The following CAPZB variants were observed in gnomAD, a reference collection of about 807,000 sequenced individuals.
CAPZB encodes F-actin-capping protein subunit beta.
CAPZB carries 2 observed loss-of-function variants against 38.1 expected under a neutral mutation model. The observed-to-expected ratio is 0.05, with a 90% CI of 0.02 to 0.17. CAPZB has a LOEUF of 0.17. Among genes scored for constraint, CAPZB ranks in the 10% least tolerant of loss-of-function variants. The pLI is 1.00. For missense variants in CAPZB, 161 were observed against 334.2 expected, an observed-to-expected ratio of 0.48 and a Z score of 4.04; for synonymous variants, 107 against 127.4, an observed-to-expected ratio of 0.84 and a Z score of 1.08.
chr1:19,485,486 C>T lies in CAPZB; in HGVS notation c.-48G>A. 1 of 1,228,550 alleles carries T rather than the reference C, an allele frequency of 8.1e-7. No individual in the cohort carries two copies. Among genetic ancestry groups the T allele is most frequent in the Non-Finnish European group, 1.0e-6 (1 of 986,028 alleles). 76.1% of individuals were successfully genotyped at this position (1,228,550 alleles called of 1,614,324 possible). Reference sequence around the variant, plus strand: ...CCGGTCCCGGCGTCAGTGGCTCTCCCCCCCGCAGCAGGGCCCGGCGCTTCC... The same window carrying T: ...CCGGTCCCGGCGTCAGTGGCTCTCCTCCCCGCAGCAGGGCCCGGCGCTTCC... On this transcript the variant is annotated 5_prime_UTR_variant, in exon 1 of 9. Coordinates refer to ENST00000264202, the MANE Select transcript of CAPZB (RefSeq NM_004930.5).
intron 3 of CAPZB, 29 bp from the exon 4 acceptor site, chr1:19,378,682 C>T: frequency 1.1e-5 from 14 of 1,236,948 alleles, no homozygotes; most frequent in Non-Finnish European, 1.7e-5. Flanking sequence ...AAGTATATAC[C>T]ATGAATCGTT....
chr1:19,422,459 T>C (rs1308729744), intron 1 of CAPZB, among the ~76,000 whole-genome samples: 1 of 152,164 alleles, frequency 6.6e-6, no homozygotes, highest in Non-Finnish European at 1.5e-5. Context: ...AAACGTTTTA[T>C]ATATAATTCT....
chr1:19,435,859 C>A (rs749287485), intron 1 of CAPZB, among the ~76,000 whole-genome samples: 69 of 152,302 alleles, frequency 4.5e-4, no homozygotes, highest in Admixed American at 1.0e-3. Context: ...GTTTTAAAGT[C>A]TCCAAAAGAA....
intron 1 of CAPZB, among the ~76,000 whole-genome samples, chr1:19,423,048 G>A (rs912657563): frequency 1.7e-5 from 2 of 119,294 alleles, no homozygotes; most frequent in Non-Finnish European, 3.4e-5. Context: ...TCCCCACCCC[G>A]CAAGGGGCCG....
chr1:19,484,421 C>A (rs2094643209), intron 1 of CAPZB: 1 of 1,517,352 alleles, frequency 6.6e-7, no homozygotes, highest in African/African-American at 1.4e-5. Context: ...GCGCCGTGGA[C>A]CCCGGCCTGC....
chr1:19,429,450 A>G lies in CAPZB; in HGVS notation c.4-9700T>C, dbSNP rs78125099. 8.5e-3 allele frequency among the ~76,000 whole-genome samples: 1,295 copies of G among 152,314 alleles called. 19 individuals carry two copies. Among genetic ancestry groups the G allele is most frequent in the African/African-American group, 0.03 (1,226 of 41,554 alleles). On this transcript the variant is annotated intron_variant, in intron 1 of 8. Coordinates refer to ENST00000264202, the MANE Select transcript of CAPZB (RefSeq NM_004930.5). ...CTAAAGGCAGAGATACGATATACTAATAATTCCTACTTTCCCATACAACCT... is the reference window on the plus strand; with the variant it reads ...CTAAAGGCAGAGATACGATATACTAGTAATTCCTACTTTCCCATACAACCT...
chr1:19,432,877 C>A (rs2094447018), intron 1 of CAPZB, among the ~76,000 whole-genome samples: 1 of 152,206 alleles, frequency 6.6e-6, no homozygotes, highest in African/African-American at 2.4e-5. Context: ...CAGATAGGGG[C>A]AATGAGTCTC....
chr1:19,479,011 C>T (rs1260444151), intron 1 of CAPZB, among the ~76,000 whole-genome samples: 1 of 152,152 alleles, frequency 6.6e-6, no homozygotes, highest in Non-Finnish European at 1.5e-5. Flanking sequence ...GCGTTCAAGA[C>T]CAGCCTGGCC....
chr1:19,483,134 G>C (rs757972532), intron 1 of CAPZB, among the ~76,000 whole-genome samples: 7 of 152,190 alleles, frequency 4.6e-5, no homozygotes, highest in Non-Finnish European at 7.3e-5. Context: ...AAATATGCCT[G>C]TATCACCATA....
At chr1:19,485,323 G>GCCCCTCCCCCA (rs2094647550) in intron 1 of CAPZB, 113 bp downstream of exon 1, 2 of 728,968 alleles carry the variant, frequency 2.7e-6, no homozygotes, top group Non-Finnish European at 3.8e-6. Context: ...CCGGGACCCC[G>GCCCCTCCCCCA]CCCCTCCCCC....
chr1:19,442,705 C>G (rs996155802), intron 1 of CAPZB, among the ~76,000 whole-genome samples: 12 of 152,154 alleles, frequency 7.9e-5, no homozygotes, highest in African/African-American at 2.7e-4. Context: ...CTCTGAAGGA[C>G]TGAAAAACAC....
chr1:19,355,501 A>G (rs2094016073), intron 6 of CAPZB, among the ~76,000 whole-genome samples: 4 of 152,142 alleles, frequency 2.6e-5, no homozygotes, highest in Non-Finnish European at 4.4e-5. Flanking sequence ...TCTCAAAAAA[A>G]AAAAAAAAAA....
At chr1:19,381,038 A>G (rs568561410) in intron 3 of CAPZB, among the ~76,000 whole-genome samples, 3 of 152,020 alleles carry the variant, frequency 2.0e-5, no homozygotes, top group South Asian at 4.2e-4. Flanking sequence ...GTGTGGTGGC[A>G]TGCACCTGTA....
At chr1:19,410,941 A>G (rs1335052701) in intron 2 of CAPZB, among the ~76,000 whole-genome samples, 1 of 152,050 alleles carries the variant, frequency 6.6e-6, no homozygotes, top group Non-Finnish European at 1.5e-5. Context: ...GTTTCCTCCC[A>G]CTCACTTCAC....
intron 1 of CAPZB, among the ~76,000 whole-genome samples, chr1:19,472,634 C>T (rs992908168): frequency 2.0e-5 from 3 of 151,688 alleles, no homozygotes; most frequent in Non-Finnish European, 2.9e-5. Context: ...CCCTGACTAC[C>T]GATTAGTAGT....
At chr1:19,354,407 ATT>A (rs2094008917) in intron 6 of CAPZB, among the ~76,000 whole-genome samples, 1 of 152,088 alleles carries the variant, frequency 6.6e-6, no homozygotes, top group Non-Finnish European at 1.5e-5. Flanking sequence ...ATTAACTTAG[ATT>A]TGTCTACCTC....
chr1:19,476,420 A>G lies in CAPZB; in HGVS notation c.3+9016T>C, dbSNP rs72947560. On this transcript the variant is annotated intron_variant, in intron 1 of 8. Coordinates refer to ENST00000264202, the MANE Select transcript of CAPZB (RefSeq NM_004930.5). ...ACAGAATGAGACCCTGTCTCAATCA[A>G]TCAATCAAACAGGCCAATTTTGTCT... 2.4e-3 allele frequency among the ~76,000 whole-genome samples: 370 copies of G among 152,342 alleles called. 1 individual carries two copies. The highest frequency in any genetic ancestry group is 8.6e-3 in the African/African-American group (358 of 41,600).
intron 6 of CAPZB, among the ~76,000 whole-genome samples, chr1:19,346,820 T>TC (rs1313140429): frequency 7.3e-6 from 1 of 136,410 alleles, no homozygotes; most frequent in East Asian, 2.0e-4. Context: ...CTTTTGTCTT[T>TC]TTTTTTTTTT....
chr1:19,464,416 C>A (rs1246052958), intron 1 of CAPZB, among the ~76,000 whole-genome samples: 1 of 151,130 alleles, frequency 6.6e-6, no homozygotes, highest in Non-Finnish European at 1.5e-5. Flanking sequence ...CTCAGCCTCC[C>A]GAGTAGCTGG....
Sources: allele counts gnomAD v4.1 joint callset (sites outside exome capture counted in the v4.1 genomes callset), GRCh38; gene constraint gnomAD v4.1.1; transcripts MANE v1.5; gene names NCBI Gene and HGNC (gene_info 2026-07-23, HGNC 2026-07-21).